Variants in RSU1 observed in about 807,000 individuals in gnomAD.
RSU1 encodes rsu-1.
A neutral mutation model predicts 31.1 loss-of-function variants in RSU1; 26 were observed. The observed-to-expected ratio is 0.84, with a 90% confidence interval of 0.61 to 1.16. RSU1 has a LOEUF of 1.16. RSU1 is among the 50% of genes most tolerant of loss of function. The probability of loss-of-function intolerance (pLI) is 0.00; values close to 1 mark genes in which losing one functional copy is unlikely to be tolerated. For missense variants in RSU1, 320 were observed against 339.1 expected, an observed-to-expected ratio of 0.94 and a Z score of 0.44; for synonymous variants, 164 against 136.3, an observed-to-expected ratio of 1.20 and a Z score of -1.41.
intron 8 of RSU1, among the ~76,000 whole-genome samples, chr10:16,655,967 T>G (rs1361308323): frequency 6.6e-6 from 1 of 152,064 alleles, no homozygotes; most frequent in East Asian, 1.9e-4. Flanking sequence ...TGAATACTAC[T>G]GTGATAATAA....
At chr10:16,620,386 T>C (rs944791432) in intron 8 of RSU1, among the ~76,000 whole-genome samples, 19 of 151,592 alleles carry the variant, frequency 1.3e-4, no homozygotes, top group African/African-American at 4.4e-4. Flanking sequence ...GGAGGGAGGA[T>C]CTGCTCTTTC....
intron 8 of RSU1, among the ~76,000 whole-genome samples, chr10:16,678,252 T>A (rs1835268618): frequency 6.6e-6 from 1 of 152,232 alleles, no homozygotes. Context: ...TGACCATCTT[T>A]TCTCATTTGA....
intron 4 of RSU1, among the ~76,000 whole-genome samples, chr10:16,759,694 G>A (rs1399085873): frequency 2.0e-5 from 3 of 152,108 alleles, no homozygotes; most frequent in Non-Finnish European, 4.4e-5. Context: ...AATTGTTGAA[G>A]CCACATCAAC....
chr10:16,642,075 T>C (rs549625434), intron 8 of RSU1, among the ~76,000 whole-genome samples: 5 of 152,218 alleles, frequency 3.3e-5, no homozygotes, highest in Admixed American at 6.5e-5. Flanking sequence ...TTTTAGGATA[T>C]GGAAACAGAG....
At chr10:16,777,578 C>T (rs1402865774) in intron 3 of RSU1, among the ~76,000 whole-genome samples, 1 of 152,152 alleles carries the variant, frequency 6.6e-6, no homozygotes, top group African/African-American at 2.4e-5. Flanking sequence ...GGTTTCTAAT[C>T]TTTAGGTACA....
chr10:16,798,832 T>C (rs184636855), intron 2 of RSU1, among the ~76,000 whole-genome samples: 9 of 152,024 alleles, frequency 5.9e-5, no homozygotes, highest in African/African-American at 1.9e-4. Context: ...AACAATGCTT[T>C]ATGCCAGAAG....
intron 8 of RSU1, among the ~76,000 whole-genome samples, chr10:16,693,591 T>C (rs895241066): frequency 5.9e-5 from 9 of 152,168 alleles, no homozygotes; most frequent in African/African-American, 9.7e-5. Flanking sequence ...AGGCTGGGCA[T>C]GGTGGCTCAT....
At chr10:16,634,402 A>T (rs920453291) in intron 8 of RSU1, among the ~76,000 whole-genome samples, 2 of 152,210 alleles carry the variant, frequency 1.3e-5, no homozygotes, top group African/African-American at 4.8e-5. Context: ...TCCTCAAACC[A>T]TCCAAATGCA....
At chr10:16,787,389 C>T (rs1459991049) in intron 2 of RSU1, among the ~76,000 whole-genome samples, 1 of 152,158 alleles carries the variant, frequency 6.6e-6, no homozygotes, top group Non-Finnish European at 1.5e-5. Flanking sequence ...CACCAGGACG[C>T]CCTCCTCACT....
chr10:16,685,628 A>G (rs1444711882), intron 8 of RSU1, among the ~76,000 whole-genome samples: 1 of 149,394 alleles, frequency 6.7e-6, no homozygotes, highest in Non-Finnish European at 1.5e-5. Context: ...GGTTACTCTC[A>G]TCGCCATCTT....
At chr10:16,626,849 G>T (rs768474371) in intron 8 of RSU1, among the ~76,000 whole-genome samples, 3 of 152,174 alleles carry the variant, frequency 2.0e-5, no homozygotes, top group African/African-American at 4.8e-5. Flanking sequence ...TGTCTTTCAT[G>T]AATAAGCCAG....
At chr10:16,769,558 A>G (rs1837381198) in intron 3 of RSU1, among the ~76,000 whole-genome samples, 1 of 152,188 alleles carries the variant, frequency 6.6e-6, no homozygotes, top group African/African-American at 2.4e-5. Flanking sequence ...TGGCTTGCTA[A>G]AACACAGATG....
chr10:16,642,548 G>A (rs1834463735), intron 8 of RSU1, among the ~76,000 whole-genome samples: 1 of 152,048 alleles, frequency 6.6e-6, no homozygotes, highest in Non-Finnish European at 1.5e-5. Context: ...TATCCAGGAT[G>A]GCATGTCTTT....
intron 7 of RSU1, among the ~76,000 whole-genome samples, chr10:16,723,926 T>C (rs1836332132): frequency 6.6e-6 from 1 of 152,162 alleles, no homozygotes; most frequent in South Asian, 2.1e-4. Context: ...CCTAAGCTAA[T>C]TTATGAGACA....
chr10:16,723,615 A>G (rs1836326052), intron 7 of RSU1, among the ~76,000 whole-genome samples: 1 of 152,188 alleles, frequency 6.6e-6, no homozygotes, highest in Non-Finnish European at 1.5e-5. Flanking sequence ...GTCGCATACT[A>G]TAGTTTACCC....
At chr10:16,606,222 G>C (rs1049751370) in intron 8 of RSU1, among the ~76,000 whole-genome samples, 5 of 152,136 alleles carry the variant, frequency 3.3e-5, no homozygotes, top group Admixed American at 2.6e-4. Flanking sequence ...TTTATAGAAT[G>C]TTAATGATTT....
chr10:16,655,384 G>C (rs1834760252), intron 8 of RSU1, among the ~76,000 whole-genome samples: 1 of 152,174 alleles, frequency 6.6e-6, no homozygotes, highest in African/African-American at 2.4e-5. Context: ...CTGTCACTTA[G>C]AGGTTAACAC....
At position 16,627,726 on chromosome 10, in the gene RSU1, C is replaced by T. The variant is rs560619799; in HGVS notation, c.732-34230G>A. ...GAGCCAAGATTGCGCCATTGCCCTC[C>T]GGCCTGGGCAACAAGAGTGAAACTC... is the stretch of plus-strand genomic sequence containing the variant. On this transcript the variant is annotated intron_variant, in intron 8 of 8. Coordinates refer to ENST00000345264, the MANE Select transcript of RSU1 (RefSeq NM_012425.4). Among the ~76,000 whole-genome samples the T allele has an allele frequency of 5.5e-5, 8 of 144,594 alleles. No homozygotes were observed. The East Asian group carries it at 1.0e-3, about 18-fold the overall frequency. The allele number at this position is 144,594 out of a possible 152,430, so 94.9% of individuals were successfully genotyped here.
intron 2 of RSU1, among the ~76,000 whole-genome samples, chr10:16,801,031 A>G (rs1291664707): frequency 6.6e-6 from 1 of 151,984 alleles, no homozygotes; most frequent in Non-Finnish European, 1.5e-5. Context: ...AGTAATATCA[A>G]TTATCACATT....
Sources: gnomAD v4.1 joint callset for allele counts (sites outside exome capture counted in the v4.1 genomes callset) on GRCh38, gnomAD v4.1.1 for gene constraint, MANE v1.5 for transcripts, NCBI Gene and HGNC (gene_info 2026-07-23, HGNC 2026-07-21) for gene names.